ENTREP2: variants seen among roughly 807,000 people sequenced by gnomAD.
ENTREP2 encodes the protein protein ENTREP2.
chr15:29,410,639 CT>C, the ENTREP2 span, among the ~76,000 whole-genome samples: 1 of 152,206 alleles, frequency 6.6e-6, no homozygotes, highest in Non-Finnish European at 1.5e-5. Flanking sequence ...GAGATTCCTG[CT>C]AGTCCTGCTC....
the ENTREP2 span, among the ~76,000 whole-genome samples, chr15:29,322,645 CTG>C: frequency 6.6e-6 from 1 of 152,202 alleles, no homozygotes; most frequent in African/African-American, 2.4e-5. Context: ...GAGTGCTGCT[CTG>C]TGTTTACTTT....
At chr15:29,648,795 T>C in the ENTREP2 span, among the ~76,000 whole-genome samples, 1 of 151,796 alleles carries the variant, frequency 6.6e-6, no homozygotes, top group Non-Finnish European at 1.5e-5. Flanking sequence ...AAAAATTATC[T>C]GGGCGTGGTG....
At chr15:29,341,535 A>G in the ENTREP2 span, among the ~76,000 whole-genome samples, 1 of 152,168 alleles carries the variant, frequency 6.6e-6, no homozygotes, top group Non-Finnish European at 1.5e-5. Flanking sequence ...ACTCCACAAC[A>G]TGCAAACCTG....
the ENTREP2 span, among the ~76,000 whole-genome samples, chr15:29,371,915 G>C: frequency 1.5e-5 from 1 of 65,876 alleles, no homozygotes; most frequent in Non-Finnish European, 2.5e-5. Context: ...TAAATAAATA[G>C]ATAGATAGAT....
At chr15:29,392,171 C>T in the ENTREP2 span, among the ~76,000 whole-genome samples, 14 of 151,734 alleles carry the variant, frequency 9.2e-5, no homozygotes, top group Admixed American at 9.2e-4. Flanking sequence ...ACCATGTTAG[C>T]CAGGATGGTC....
the ENTREP2 span, among the ~76,000 whole-genome samples, chr15:29,344,404 C>T: frequency 6.6e-6 from 1 of 152,216 alleles, no homozygotes; most frequent in Non-Finnish European, 1.5e-5. Context: ...TTGTTTGTAG[C>T]AGGGAACTTC....
the ENTREP2 span, among the ~76,000 whole-genome samples, chr15:29,452,367 G>A: frequency 6.6e-6 from 1 of 152,198 alleles, no homozygotes; most frequent in Non-Finnish European, 1.5e-5. Context: ...GGAAGCCATA[G>A]CCCTTCACCC....
the ENTREP2 span, among the ~76,000 whole-genome samples, chr15:29,633,186 T>C: frequency 3.9e-5 from 6 of 152,162 alleles, no homozygotes; most frequent in African/African-American, 1.4e-4. Flanking sequence ...GTGCAGAGAC[T>C]GGCACCACCA....
At chr15:29,341,061 A>T in the ENTREP2 span, among the ~76,000 whole-genome samples, 1 of 152,164 alleles carries the variant, frequency 6.6e-6, no homozygotes, top group Non-Finnish European at 1.5e-5. Context: ...AGTGAAGGAG[A>T]GAACCAATAA....
At chr15:29,619,267 C>A in the ENTREP2 span, among the ~76,000 whole-genome samples, 48 of 152,284 alleles carry the variant, frequency 3.2e-4, no homozygotes, top group African/African-American at 1.1e-3. Flanking sequence ...TCGCTGGCGC[C>A]TGTAATCCCA....
At chr15:29,289,348 A>G in the ENTREP2 span, among the ~76,000 whole-genome samples, 2 of 152,110 alleles carry the variant, frequency 1.3e-5, no homozygotes, top group African/African-American at 4.8e-5. Flanking sequence ...GCAGAACAAA[A>G]CTGTAATGAG....
At chr15:29,479,706 CACAT>C in the ENTREP2 span, among the ~76,000 whole-genome samples, 3 of 145,146 alleles carry the variant, frequency 2.1e-5, no homozygotes, top group African/African-American at 8.2e-5. Flanking sequence ...CACACACACA[CACAT>C]GCTGGGACCT....
the ENTREP2 span, among the ~76,000 whole-genome samples, chr15:29,481,580 A>G: frequency 6.6e-6 from 1 of 152,220 alleles, no homozygotes; most frequent in Non-Finnish European, 1.5e-5. Flanking sequence ...CTTATAATCT[A>G]ATAAAAATTC....
At chr15:29,144,313 CA>C in the ENTREP2 span, among the ~76,000 whole-genome samples, 2 of 152,128 alleles carry the variant, frequency 1.3e-5, no homozygotes, top group Non-Finnish European at 2.9e-5. Flanking sequence ...TAGAAAGACA[CA>C]AACTACCAAA....
chr15:29,432,234 T>C, the ENTREP2 span, among the ~76,000 whole-genome samples: 1 of 152,206 alleles, frequency 6.6e-6, no homozygotes, highest in Non-Finnish European at 1.5e-5. Context: ...TTTTCTGCAA[T>C]TCAAATAAAT....
chr15:29,142,980 A>G, the ENTREP2 span, among the ~76,000 whole-genome samples: 102 of 152,328 alleles, frequency 6.7e-4, no homozygotes, highest in African/African-American at 2.3e-3. Flanking sequence ...ATTTCCACAC[A>G]TATTAGAGTA....
the ENTREP2 span, among the ~76,000 whole-genome samples, chr15:29,370,086 T>C: frequency 6.6e-6 from 1 of 152,152 alleles, no homozygotes; most frequent in South Asian, 2.1e-4. Context: ...TATGGCAACA[T>C]ACAACAAAAG....
the ENTREP2 span, among the ~76,000 whole-genome samples, chr15:29,340,763 C>T: frequency 1.2e-4 from 18 of 152,130 alleles, no homozygotes; most frequent in South Asian, 3.1e-3. Flanking sequence ...GCAAGGTGGC[C>T]GAGGAAATCA....
At chr15:29,482,893 T>C in the ENTREP2 span, among the ~76,000 whole-genome samples, 1 of 152,212 alleles carries the variant, frequency 6.6e-6, no homozygotes, top group African/African-American at 2.4e-5. Flanking sequence ...TAAGAGTATG[T>C]TTCATTTTGT....
Sources: gnomAD v4.1 joint callset for allele counts (sites outside exome capture counted in the v4.1 genomes callset) on GRCh38, gnomAD v4.1.1 for gene constraint, MANE v1.5 for transcripts, NCBI Gene and HGNC (gene_info 2026-07-23, HGNC 2026-07-21) for gene names.